MOXD1: variants seen among roughly 807,000 people sequenced by gnomAD.
MOXD1 encodes the protein monooxygenase DBH like 1, also known as DBH-like monooxygenase protein 1.
MOXD1 carries 62 observed loss-of-function variants against 66.6 expected under a neutral mutation model. The ratio of observed to expected loss-of-function variants is 0.93; its 90% CI spans 0.76 to 1.15. The LOEUF is 1.15. MOXD1 is among the 50% of genes most tolerant of loss of function. The probability of loss-of-function intolerance (pLI) is 0.00; values close to 1 mark genes in which losing one functional copy is unlikely to be tolerated. For synonymous variants in MOXD1, 303 were observed against 281.9 expected (o/e 1.07, Z -0.75); for missense variants, 847 against 754.6 (o/e 1.12, Z -1.44).
chr6:132,359,738 T>C (rs969003878), intron 4 of MOXD1, among the ~76,000 whole-genome samples: 1 of 152,096 alleles, frequency 6.6e-6, no homozygotes, highest in Non-Finnish European at 1.5e-5. Flanking sequence ...CGCCCGCCTC[T>C]GCCTCCCAAA....
chr6:132,332,701 T>C (rs930263645), intron 4 of MOXD1, among the ~76,000 whole-genome samples: 7 of 152,356 alleles, frequency 4.6e-5, no homozygotes, highest in Middle Eastern at 3.4e-3. Flanking sequence ...CTTCACGCCA[T>C]GCTTACAAAG....
At position 132,376,724 on chromosome 6, in the gene MOXD1, A is replaced by G. The variant is rs1203970320; in HGVS notation, c.265-1947T>C. Among the ~76,000 whole-genome samples the G allele has an allele frequency of 1.1e-4, 7 of 63,004 alleles. 2 individuals are homozygous for G. The highest frequency in any genetic ancestry group is 1.6e-4 in the Admixed American group (1 of 6,284). 41.3% of individuals were successfully genotyped at this position (63,004 alleles called of 152,430 possible). On this transcript the variant is annotated intron_variant, in intron 1 of 11. Transcript: ENST00000367963. ...GAGACGGGGTTTCACCGTTTTAGCC[A>G]GGATGGTCTCGATCTCCTGACCTCG...
intron 4 of MOXD1, among the ~76,000 whole-genome samples, chr6:132,365,161 C>A (rs1776094129): frequency 6.6e-6 from 1 of 152,030 alleles, no homozygotes; most frequent in Admixed American, 6.6e-5. Flanking sequence ...AGTCTATGAG[C>A]CTCTTTTTAA....
At chr6:132,346,954 C>T (rs1287394501) in intron 4 of MOXD1, among the ~76,000 whole-genome samples, 2 of 152,088 alleles carry the variant, frequency 1.3e-5, no homozygotes, top group East Asian at 3.8e-4. Context: ...AGATCTAAGC[C>T]ACAATTGGAT....
chr6:132,398,673 C>T (rs1184335544), intron 1 of MOXD1, among the ~76,000 whole-genome samples: 1 of 152,096 alleles, frequency 6.6e-6, no homozygotes, highest in Non-Finnish European at 1.5e-5. Context: ...GGCGTGGTGG[C>T]TCACGCCTGT....
Position 132,392,349 on chromosome 6 carries a change from T to A in MOXD1, c.264+8814A>T, listed in dbSNP as rs549852913. 5 of 1,551,020 alleles carry A rather than the reference T, an allele frequency of 3.2e-6. No homozygotes were observed. The African/African-American group carries it at 5.5e-5, about 17-fold the overall frequency. On this transcript the variant is annotated intron_variant, in intron 1 of 11. Transcript: ENST00000367963. ...TCAGCCTCCATTCACCAGCGATTTA[T>A]ACCCCCATAAGAAGGGTGAATCAAT...
intron 1 of MOXD1, among the ~76,000 whole-genome samples, chr6:132,388,409 G>A (rs967268888): frequency 9.9e-5 from 15 of 151,292 alleles, no homozygotes; most frequent in African/African-American, 2.9e-4. Context: ...GCTCTTTACC[G>A]CTCAGCAGAT....
chr6:132,362,275 C>A (rs1776031345), intron 4 of MOXD1, among the ~76,000 whole-genome samples: 1 of 151,960 alleles, frequency 6.6e-6, no homozygotes, highest in South Asian at 2.1e-4. Context: ...CTATAAATTT[C>A]CAACTTTGTC....
At position 132,328,437 on chromosome 6, in the gene MOXD1, A is replaced by C; in HGVS notation, c.821T>G (p.Phe274Cys). 1 of 1,614,190 alleles carries C rather than the reference A, an allele frequency of 6.2e-7. No individual in the cohort carries two copies. The highest frequency in any genetic ancestry group is 8.5e-7 in the Non-Finnish European group (1 of 1,180,016). ...CACCTCTCCACCAATAGCCCAGGCA[A>C]AAATCACAGTTTCACAGGTGAGGAA... is the stretch of plus-strand genomic sequence containing the variant. ...DAFLTCETVI[F>C]AWAIGGEGFS... is the part of the protein sequence containing the mutation. Residue 274 changes from phenylalanine to cysteine, a missense_variant, in exon 5 of 12, where the codon TTT becomes TGT. By Grantham distance (205) the Phe-to-Cys change is radical. Transcript: ENST00000367963.
intron 7 of MOXD1, among the ~76,000 whole-genome samples, chr6:132,323,634 CACAA>C (rs1383830575): frequency 6.6e-6 from 1 of 151,946 alleles, no homozygotes; most frequent in Non-Finnish European, 1.5e-5. Context: ...AAAAAGACTA[CACAA>C]ACAAAGGTTG....
At chr6:132,396,592 A>C (rs1486216471) in intron 1 of MOXD1, among the ~76,000 whole-genome samples, 1 of 152,054 alleles carries the variant, frequency 6.6e-6, no homozygotes, top group African/African-American at 2.4e-5. Context: ...AAAGGAAGTT[A>C]GTTTTTTGAA....
chr6:132,400,005 G>T (rs1386266837), intron 1 of MOXD1, among the ~76,000 whole-genome samples: 1 of 152,142 alleles, frequency 6.6e-6, no homozygotes, highest in Non-Finnish European at 1.5e-5. Context: ...TTATTTGGGG[G>T]AAGAAACGAT....
In MOXD1 at chr6:132,320,718, T is replaced by C. The variant is rs771985330; in HGVS notation, c.1306-30A>G. On this transcript the variant is annotated intron_variant, in intron 8 of 11. Coordinates refer to ENST00000367963, the MANE Select transcript of MOXD1 (RefSeq NM_015529.4). ...AACATAAAAGCAAAAGCTTTCAGAT[T>C]GAAGTTTTATGCTGGCTTATTTATC... The C allele has an allele frequency of 1.9e-6, 3 of 1,559,832 alleles. No homozygotes were observed. In the South Asian group the frequency reaches 3.5e-5, roughly 18 times the overall value.
intron 1 of MOXD1, among the ~76,000 whole-genome samples, chr6:132,393,799 C>T (rs1269724400): frequency 6.6e-6 from 1 of 152,200 alleles, no homozygotes; most frequent in African/African-American, 2.4e-5. Flanking sequence ...CCACAGACAC[C>T]ACTGTTGGGC....
intron 4 of MOXD1, among the ~76,000 whole-genome samples, chr6:132,340,111 C>A (rs575294428): frequency 2.6e-5 from 4 of 152,266 alleles, no homozygotes; most frequent in South Asian, 2.1e-4. Flanking sequence ...TCTCAAACTC[C>A]TGACCTTGTG....
At chr6:132,313,973 C>T (rs1774886784) in intron 10 of MOXD1, among the ~76,000 whole-genome samples, 2 of 152,050 alleles carry the variant, frequency 1.3e-5, no homozygotes, top group African/African-American at 2.4e-5. Context: ...TCTCTAATTA[C>T]ATAATTACGT....
Position 132,310,730 on chromosome 6 carries a change from G to A in MOXD1, c.1508+4905C>T, listed in dbSNP as rs150795813. 2.0e-3 allele frequency among the ~76,000 whole-genome samples: 310 copies of A among 152,268 alleles called. 2 individuals are homozygous for A. Among genetic ancestry groups the A allele is most frequent in the African/African-American group, 7.1e-3 (294 of 41,566 alleles). On this transcript the variant is annotated intron_variant, in intron 10 of 11. Coordinates refer to ENST00000367963, the MANE Select transcript of MOXD1 (RefSeq NM_015529.4). ...ATGAAGATGGAAGCCAATGTCCTCAGTGAACTGACACAGGAACAGAAAACC... is the reference window on the plus strand; with the variant it reads ...ATGAAGATGGAAGCCAATGTCCTCAATGAACTGACACAGGAACAGAAAACC...
intron 4 of MOXD1, among the ~76,000 whole-genome samples, chr6:132,339,612 A>T (rs1775507864): frequency 6.6e-6 from 1 of 152,234 alleles, no homozygotes; most frequent in African/African-American, 2.4e-5. Flanking sequence ...GCTAAGAATG[A>T]TCCCCAACTT....
intron 1 of MOXD1, 110 bp downstream of exon 1, chr6:132,401,053 C>G (rs1221636195): frequency 1.8e-5 from 23 of 1,296,570 alleles, no homozygotes; most frequent in African/African-American, 3.2e-5. Context: ...CGGGGCTGCG[C>G]CAGGTGAGAG....
Sources: allele counts gnomAD v4.1 joint callset (sites outside exome capture counted in the v4.1 genomes callset), GRCh38; gene constraint gnomAD v4.1.1; transcripts MANE v1.5; gene names NCBI Gene and HGNC (gene_info 2026-07-23, HGNC 2026-07-21).